Variants in SYNE2 observed in about 807,000 individuals in gnomAD.
SYNE2 encodes nesprin-2.
SYNE2 carries 431 observed loss-of-function variants against 856.3 expected under a neutral mutation model. The ratio of observed to expected loss-of-function variants is 0.50; its 90% CI spans 0.47 to 0.55. The LOEUF (loss-of-function observed/expected upper bound fraction) is 0.55, where lower values mean the gene tolerates loss of function less well. SYNE2 is among the 20% of genes least tolerant of loss of function. The pLI, the probability that SYNE2 is intolerant of heterozygous loss-of-function variation, is 0.00. For synonymous variants in SYNE2, 2,923 were observed against 2,872.3 expected, an observed-to-expected ratio of 1.02 and a Z score of -0.56; for missense variants, 8,129 against 8,023.2, an observed-to-expected ratio of 1.01 and a Z score of -0.50.
intron 1 of SYNE2, among the ~76,000 whole-genome samples, chr14:63,883,561 G>A (rs567064717): frequency 1.3e-5 from 2 of 152,056 alleles, no homozygotes; most frequent in East Asian, 3.9e-4. Flanking sequence ...TTGTTATGTT[G>A]TCCAGGCTGG....
intron 60 of SYNE2, among the ~76,000 whole-genome samples, chr14:64,092,959 C>A (rs760127554): frequency 6.6e-5 from 10 of 151,500 alleles, no homozygotes; most frequent in Admixed American, 5.3e-4. Flanking sequence ...AAAGCCCCCC[C>A]GCTCCCCCGG....
At chr14:64,014,907 T>C (rs1413284130) in intron 32 of SYNE2, among the ~76,000 whole-genome samples, 1 of 143,262 alleles carries the variant, frequency 7.0e-6, no homozygotes, top group African/African-American at 2.6e-5. Flanking sequence ...ATAAACCTTA[T>C]TTGGTCATGG....
chr14:63,918,986 T>G (rs1475123060), intron 2 of SYNE2, among the ~76,000 whole-genome samples: 2 of 152,206 alleles, frequency 1.3e-5, no homozygotes, highest in African/African-American at 4.8e-5. Flanking sequence ...TCGGCAAACT[T>G]CCAGGGGGTT....
chr14:64,144,873 G>A (rs2098168362), intron 83 of SYNE2, among the ~76,000 whole-genome samples: 1 of 151,076 alleles, frequency 6.6e-6, no homozygotes, highest in Non-Finnish European at 1.5e-5. Flanking sequence ...CACTCTAGGG[G>A]AATAGTTCAT....
intron 1 of SYNE2, among the ~76,000 whole-genome samples, chr14:63,806,524 T>C (rs891033376): frequency 2.6e-5 from 4 of 152,124 alleles, no homozygotes; most frequent in African/African-American, 9.7e-5. Flanking sequence ...CCTCTCTTTT[T>C]TGGGATAGTT....
At chr14:64,146,313 G>T in intron 84 of SYNE2, 90 bp downstream of exon 84, 1 of 1,215,458 alleles carries the variant, frequency 8.2e-7, no homozygotes, top group Non-Finnish European at 1.1e-6. Context: ...TGTAGTTTGT[G>T]GAAACTCTCT....
chr14:64,172,503 C>T (rs1015299221), intron 94 of SYNE2, among the ~76,000 whole-genome samples: 5 of 152,166 alleles, frequency 3.3e-5, no homozygotes, highest in African/African-American at 1.2e-4. Context: ...TATGGTACCC[C>T]AATGGTTTCA....
chr14:64,024,104 T>C lies in SYNE2; in HGVS notation c.5638-153T>C, dbSNP rs866252061. ...CAGAACTATTATAAATCATCTGCCA[T>C]TGGAGATAGCCACATCTCCATCACC... On this transcript the variant is annotated intron_variant, in intron 38 of 115. Transcript: ENST00000555002. The C allele has an allele frequency of 1.7e-4, 113 of 673,176 alleles. No homozygotes were observed. In the Middle Eastern group the frequency reaches 5.2e-3, roughly 31 times the overall value. The allele number at this position is 673,176 out of a possible 1,614,324, so 41.7% of individuals were successfully genotyped here.
chr14:64,161,800 A>T (rs527272351), intron 87 of SYNE2, among the ~76,000 whole-genome samples: 1 of 152,184 alleles, frequency 6.6e-6, no homozygotes, highest in Non-Finnish European at 1.5e-5. Flanking sequence ...AAAAAAAGAG[A>T]GTGAAACATT....
chr14:64,005,641 A>C (rs1022171317), intron 30 of SYNE2, among the ~76,000 whole-genome samples: 4 of 152,238 alleles, frequency 2.6e-5, no homozygotes, highest in African/African-American at 9.6e-5. Flanking sequence ...AGGTGTGCTC[A>C]GTTTTAGAAA....
At chr14:63,950,095 C>T (rs1207209026) in intron 7 of SYNE2, 89 bp downstream of exon 7, 28 of 1,387,672 alleles carry the variant, frequency 2.0e-5, no homozygotes, top group Non-Finnish European at 2.7e-5. Context: ...CCTCACTTAA[C>T]ATGAAAATTC....
At chr14:63,986,232 T>C (rs1322470055) in intron 18 of SYNE2, among the ~76,000 whole-genome samples, 3 of 152,128 alleles carry the variant, frequency 2.0e-5, no homozygotes, top group Non-Finnish European at 4.4e-5. Flanking sequence ...CCTGAGTAGC[T>C]AGAACTACAG....
intron 8 of SYNE2, among the ~76,000 whole-genome samples, chr14:63,956,058 G>C (rs891603682): frequency 6.6e-6 from 1 of 152,154 alleles, no homozygotes; most frequent in Admixed American, 6.5e-5. Flanking sequence ...GCTTTAGACA[G>C]AACATATTTT....
At chr14:64,006,436 C>T (rs755490816) in intron 30 of SYNE2, among the ~76,000 whole-genome samples, 7 of 152,084 alleles carry the variant, frequency 4.6e-5, no homozygotes, top group Non-Finnish European at 8.8e-5. Flanking sequence ...TCTTTTCTCT[C>T]GTGTGTATAC....
At chr14:64,222,885 C>T (rs1408219746) in intron 112 of SYNE2, among the ~76,000 whole-genome samples, 8 of 152,164 alleles carry the variant, frequency 5.3e-5, no homozygotes, top group Admixed American at 3.9e-4. Context: ...TACTTCCTTC[C>T]GTGGTGGATG....
At chr14:64,156,687 G>A (rs2153709509) in intron 85 of SYNE2, among the ~76,000 whole-genome samples, 1 of 152,052 alleles carries the variant, frequency 6.6e-6, no homozygotes, top group South Asian at 2.1e-4. Context: ...TTGAACTCCT[G>A]ACCTTAGGTG....
intron 3 of SYNE2, among the ~76,000 whole-genome samples, chr14:63,941,006 C>T (rs2095906927): frequency 6.6e-6 from 1 of 152,144 alleles, no homozygotes; most frequent in Non-Finnish European, 1.5e-5. Context: ...CTGTCCTAAA[C>T]TCTTTAAGTG....
At chr14:63,854,285 G>A (rs995738472) in intron 1 of SYNE2, among the ~76,000 whole-genome samples, 2 of 151,890 alleles carry the variant, frequency 1.3e-5, no homozygotes, top group Admixed American at 1.3e-4. Flanking sequence ...CATTTTTAGA[G>A]TTGGGGAATA....
chr14:63,926,849 ACT>A (rs1367778067), intron 2 of SYNE2, among the ~76,000 whole-genome samples: 5 of 152,066 alleles, frequency 3.3e-5, no homozygotes, highest in African/African-American at 1.2e-4. Context: ...TCCCCCCATG[ACT>A]CTATGAAAGC....
Sources: allele counts gnomAD v4.1 joint callset (sites outside exome capture counted in the v4.1 genomes callset), GRCh38; gene constraint gnomAD v4.1.1; transcripts MANE v1.5; gene names NCBI Gene and HGNC (gene_info 2026-07-23, HGNC 2026-07-21).